SRGAP2: variants seen among roughly 807,000 people sequenced by gnomAD.
SRGAP2 encodes SLIT-ROBO Rho GTPase activating protein 2.
A neutral mutation model predicts 57.2 loss-of-function variants in SRGAP2; 15 were observed. That is an observed-to-expected ratio of 0.26 (90% confidence interval 0.18 to 0.40). The LOEUF is 0.40. SRGAP2 is among the 10% of genes least tolerant of loss of function. SRGAP2 has a pLI of 1.00. For synonymous variants in SRGAP2, 249 were observed against 248.0 expected (o/e 1.00, Z -0.04); for missense variants, 520 against 669.6 (o/e 0.78, Z 2.47).
chr1:206,314,297 G>T (rs1482917387), intron 3 of SRGAP2, among the ~76,000 whole-genome samples: 6 of 152,024 alleles, frequency 3.9e-5, no homozygotes, highest in Non-Finnish European at 8.8e-5. Flanking sequence ...ACGACGCCAG[G>T]CTAATTTTGT....
intron 18 of SRGAP2, among the ~76,000 whole-genome samples, chr1:206,449,283 A>ATTATTTTTT (rs1255244080): frequency 0.046 from 6,392 of 137,828 alleles, 197 homozygotes; most frequent in Non-Finnish European, 0.055. Context: ...CTTACACTGG[A>ATTATTTTTT]TGATTTTTTT....
At chr1:206,212,218 C>T (rs1256581853) in intron 2 of SRGAP2, among the ~76,000 whole-genome samples, 1 of 148,494 alleles carries the variant, frequency 6.7e-6, no homozygotes, top group Non-Finnish European at 1.5e-5. Flanking sequence ...CTCACTCTGT[C>T]ACCCAGGCTG....
rs1437916182 is a variant in SRGAP2, at chr1:206,463,042, T to A, written c.*1622T>A. The A allele has an allele frequency of 6.6e-6, 1 of 152,238 alleles. No individual in the cohort carries two copies. Among genetic ancestry groups the A allele is most frequent in the Admixed American group, 6.5e-5 (1 of 15,288 alleles). 9.4% of individuals were successfully genotyped at this position (152,238 alleles called of 1,614,324 possible). The stretch of plus-strand genomic sequence containing the variant: ...TCTGTAGTTCCGGAGAGATGGTGGG[T>A]TGCCATTCTGGTAGGAAAATCTGAG... On this transcript the variant is annotated 3_prime_UTR_variant, in exon 23 of 23. Transcript: ENST00000573034.
chr1:206,452,194 T>C (rs2103390126), intron 19 of SRGAP2, among the ~76,000 whole-genome samples: 1 of 152,316 alleles, frequency 6.6e-6, no homozygotes, highest in South Asian at 2.1e-4. Context: ...ATTATTAATC[T>C]CCATGTTACA....
rs957669109 is a variant in SRGAP2 at position 206,454,063 on chromosome 1, C to T, written c.2360+683C>T. 1 of 700,388 alleles carries T rather than the reference C, an allele frequency of 1.4e-6. No individual in the cohort carries two copies. Among genetic ancestry groups the T allele is most frequent in the Non-Finnish European group, 2.6e-6 (1 of 383,664 alleles). 43.4% of individuals were successfully genotyped at this position (700,388 alleles called of 1,614,324 possible). The stretch of plus-strand genomic sequence containing the variant: ...CAAGCCTGCCCCCTGTCCGTTTGCC[C>T]TGTCTCTGTCCCCAGCTCCCCTCCC... On this transcript the variant is annotated intron_variant, in intron 20 of 22. Coordinates refer to ENST00000573034, the MANE Select transcript of SRGAP2 (RefSeq NM_015326.5). This position sits in a 1 kb window ranked among gnomAD's most constrained non-coding sequence, Gnocchi z 4.3.
chr1:206,427,299 G>A (rs1226432198), intron 13 of SRGAP2, among the ~76,000 whole-genome samples: 1 of 152,118 alleles, frequency 6.6e-6, no homozygotes, highest in African/African-American at 2.4e-5. Flanking sequence ...TTAGAATAGG[G>A]AAGAGAAGAC....
chr1:206,273,882 C>T (rs1241571874), intron 2 of SRGAP2, among the ~76,000 whole-genome samples: 54 of 150,308 alleles, frequency 3.6e-4, no homozygotes, highest in African/African-American at 4.7e-4. Flanking sequence ...GGAGTGTAGA[C>T]GTTGTGGGAC....
intron 3 of SRGAP2, among the ~76,000 whole-genome samples, chr1:206,307,588 G>A (rs1314886540): frequency 6.6e-6 from 1 of 152,244 alleles, no homozygotes; most frequent in Non-Finnish European, 1.5e-5. Flanking sequence ...CAGGTCCCGA[G>A]CCCTGCCCCG....
At position 206,451,328 on chromosome 1, in the gene SRGAP2, C is replaced by T. The variant is rs76218392; in HGVS notation, c.2179+863C>T. Among the ~76,000 whole-genome samples the T allele has an allele frequency of 9.2e-3, 1,393 of 152,182 alleles. 20 individuals are homozygous for T. Among genetic ancestry groups the T allele is most frequent in the African/African-American group, 0.032 (1,329 of 41,508 alleles). On this transcript the variant is annotated intron_variant, in intron 19 of 22. Transcript: ENST00000573034. ...TGGGCGTGCATCAAGGGGAGGAATGCTCAGCTGTCATCCTCAGGCCCCTCA... is the reference window on the plus strand; with the variant it reads ...TGGGCGTGCATCAAGGGGAGGAATGTTCAGCTGTCATCCTCAGGCCCCTCA...
At chr1:206,278,271 G>T (rs1191685895) in intron 2 of SRGAP2, among the ~76,000 whole-genome samples, 2 of 149,650 alleles carry the variant, frequency 1.3e-5, no homozygotes, top group Non-Finnish European at 3.0e-5. Context: ...AATAAGTACA[G>T]TAAGGAGCAT....
chr1:206,434,134 G>A (rs1661520192), intron 14 of SRGAP2, among the ~76,000 whole-genome samples: 1 of 152,154 alleles, frequency 6.6e-6, no homozygotes, highest in Non-Finnish European at 1.5e-5. Flanking sequence ...GAATGCTGGG[G>A]ATTTTCACAT....
intron 2 of SRGAP2, among the ~76,000 whole-genome samples, chr1:206,247,404 A>C (rs1312280067): frequency 6.7e-6 from 1 of 149,570 alleles, no homozygotes; most frequent in Non-Finnish European, 1.5e-5. Flanking sequence ...TTGTCATGTT[A>C]TGTGGGCATA....
intron 4 of SRGAP2, among the ~76,000 whole-genome samples, chr1:206,369,690 T>G (rs1220182640): frequency 3.2e-4 from 49 of 150,896 alleles, no homozygotes; most frequent in African/African-American, 1.0e-3. Context: ...AAAACCACAA[T>G]GAAACACCAC....
At chr1:206,357,567 C>CCTA (rs1414152316) in intron 4 of SRGAP2, among the ~76,000 whole-genome samples, 2 of 120,984 alleles carry the variant, frequency 1.7e-5, no homozygotes, top group African/African-American at 6.3e-5. Context: ...CCTTATGGTT[C>CCTA]TTTGGCTATG....
chr1:206,415,883 T>C lies in SRGAP2; in HGVS notation c.1357-6T>C. 1 of 778,584 alleles carries C rather than the reference T, an allele frequency of 1.3e-6. No individual in the cohort carries two copies. The highest frequency in any genetic ancestry group is 2.4e-6 in the Non-Finnish European group (1 of 417,212). 48.2% of individuals were successfully genotyped at this position (778,584 alleles called of 1,614,324 possible). A position where few individuals can be genotyped will look rare whatever the true frequency, so the allele number is the denominator to read the frequency against. On this transcript the variant is annotated splice_region_variant and splice_polypyrimidine_tract_variant and intron_variant, in intron 10 of 22. Transcript: ENST00000573034. Reference sequence around the variant, plus strand: ...GATTGCTCTTTTTCCTCCTCCTCTCTTACAGAAAATGAAAGAGTACCTGGA... The same window carrying C: ...GATTGCTCTTTTTCCTCCTCCTCTCCTACAGAAAATGAAAGAGTACCTGGA...
chr1:206,336,020 A>G (rs1674748835), intron 3 of SRGAP2, among the ~76,000 whole-genome samples: 2 of 151,992 alleles, frequency 1.3e-5, no homozygotes, highest in Non-Finnish European at 2.9e-5. Flanking sequence ...TAGATGTCAG[A>G]CATGGTGCTA....
In SRGAP2 at chr1:206,463,323, G is replaced by A. The variant is rs541696655; in HGVS notation, c.*1903G>A. ...GAGGCAACCCACAGTCTTGATTTTT[G>A]TTGCTGTTTCCTGACCTGTTCTTGC... is the stretch of plus-strand genomic sequence containing the variant. On this transcript the variant is annotated 3_prime_UTR_variant, in exon 23 of 23. Coordinates refer to ENST00000573034, the MANE Select transcript of SRGAP2 (RefSeq NM_015326.5). 2 of 152,576 alleles carry A rather than the reference G, an allele frequency of 1.3e-5. No individual in the cohort carries two copies. Among genetic ancestry groups the A allele is most frequent in the African/African-American group, 2.4e-5 (1 of 41,428 alleles). 9.5% of individuals were successfully genotyped at this position (152,576 alleles called of 1,614,324 possible).
intron 17 of SRGAP2, among the ~76,000 whole-genome samples, chr1:206,444,788 G>A (rs992684803): frequency 6.6e-6 from 1 of 152,196 alleles, no homozygotes; most frequent in Non-Finnish European, 1.5e-5. Flanking sequence ...CTCCTGTGAA[G>A]CAATCCAATG....
intron 2 of SRGAP2, among the ~76,000 whole-genome samples, chr1:206,267,016 T>C (rs1669895702): frequency 7.2e-6 from 1 of 138,596 alleles, no homozygotes; most frequent in African/African-American, 2.7e-5. Flanking sequence ...TCGCCCAGGC[T>C]GGAGTGCAGT....
Sources: gnomAD v4.1 joint callset for allele counts (sites outside exome capture counted in the v4.1 genomes callset) on GRCh38, gnomAD v4.1.1 for gene constraint, Gnocchi (gnomAD v3.1) non-coding constraint, MANE v1.5 for transcripts, NCBI Gene and HGNC (gene_info 2026-07-23, HGNC 2026-07-21) for gene names.